Variants in RIT2 observed in about 807,000 individuals in gnomAD.
RIT2 encodes Ras like without CAAX 2, also known as GTP-binding protein Rit2.
Under a neutral mutation model 23.7 loss-of-function variants are expected in RIT2, and 24 were observed. The observed-to-expected ratio is 1.01, with a 90% CI of 0.73 to 1.43. The LOEUF is 1.43. Among genes scored for constraint, RIT2 ranks in the 40% most tolerant of loss-of-function variants. RIT2 has a pLI of 0.00. For synonymous variants in RIT2, 107 were observed against 91.1 expected (o/e 1.17, Z -0.99); for missense variants, 236 against 266.9 (o/e 0.88, Z 0.81).
chr18:43,063,303 C>T (rs1598767603), intron 1 of RIT2, among the ~76,000 whole-genome samples: 1 of 152,242 alleles, frequency 6.6e-6, no homozygotes, highest in African/African-American at 2.4e-5. Context: ...CCGTCAAAAG[C>T]ACAGGGTTCT....
intron 1 of RIT2, among the ~76,000 whole-genome samples, chr18:43,069,004 G>C (rs983065036): frequency 2.0e-5 from 3 of 152,094 alleles, no homozygotes; most frequent in African/African-American, 4.8e-5. Context: ...AGACGTTTCC[G>C]GTTAAGGGAA....
intron 1 of RIT2, among the ~76,000 whole-genome samples, chr18:43,109,663 C>G (rs1913907478): frequency 6.6e-6 from 1 of 152,102 alleles, no homozygotes; most frequent in Non-Finnish European, 1.5e-5. Context: ...ACATCAGAAG[C>G]CTAATATAAA....
intron 2 of RIT2, among the ~76,000 whole-genome samples, chr18:42,981,874 T>C (rs1295983800): frequency 6.6e-6 from 1 of 152,170 alleles, no homozygotes; most frequent in East Asian, 1.9e-4. Flanking sequence ...ACTATATTCA[T>C]AAAGAAATAG....
At chr18:43,074,269 A>G (rs1401821016) in intron 1 of RIT2, among the ~76,000 whole-genome samples, 4 of 152,148 alleles carry the variant, frequency 2.6e-5, no homozygotes, top group African/African-American at 7.2e-5. Context: ...ATCTCTTAAC[A>G]TCTTTGTCTG....
At chr18:42,895,735 T>C (rs908833956) in intron 4 of RIT2, among the ~76,000 whole-genome samples, 4 of 152,188 alleles carry the variant, frequency 2.6e-5, no homozygotes, top group Admixed American at 6.5e-5. Context: ...GACACTTTCC[T>C]CTTGCATAGA....
intron 4 of RIT2, among the ~76,000 whole-genome samples, chr18:42,755,204 C>A (rs1285961988): frequency 1.3e-5 from 2 of 152,040 alleles, no homozygotes; most frequent in East Asian, 3.9e-4. Flanking sequence ...ACATTTTAGT[C>A]CTGTTTATAA....
intron 3 of RIT2, among the ~76,000 whole-genome samples, chr18:42,943,196 C>T (rs1909646063): frequency 6.6e-6 from 1 of 152,050 alleles, no homozygotes; most frequent in Admixed American, 6.6e-5. Flanking sequence ...ATCAGAATGC[C>T]CTTTTTTCAA....
At chr18:42,827,181 T>A (rs1210389718) in intron 4 of RIT2, among the ~76,000 whole-genome samples, 1 of 152,174 alleles carries the variant, frequency 6.6e-6, no homozygotes, top group Non-Finnish European at 1.5e-5. Context: ...ATACAGGGTT[T>A]AGATGCTGAC....
intron 3 of RIT2, among the ~76,000 whole-genome samples, chr18:42,963,403 A>G (rs369444552): frequency 3.9e-5 from 6 of 152,234 alleles, no homozygotes; most frequent in Non-Finnish European, 7.3e-5. Flanking sequence ...GACAATATTT[A>G]GAAGAAAATA....
intron 1 of RIT2, among the ~76,000 whole-genome samples, chr18:43,105,100 C>CTGTGTGTGTGTGTGTGTGTGTGTGTGTG (rs756311809): frequency 1.4e-5 from 2 of 142,980 alleles, no homozygotes; most frequent in African/African-American, 5.2e-5. Flanking sequence ...AGGCAGTGTG[C>CTGTGTGTGTGTGTGTGTGTGTGTGTGTG]TGTGTGTGTG....
intron 3 of RIT2, among the ~76,000 whole-genome samples, chr18:42,965,711 CTTTTTTTTTT>C (rs58344278): frequency 2.1e-4 from 8 of 37,778 alleles, no homozygotes; most frequent in African/African-American, 6.6e-4. Context: ...GTACTGATGG[CTTTTTTTTTT>C]TTTTTTTTTT....
intron 4 of RIT2, among the ~76,000 whole-genome samples, chr18:42,867,678 C>T (rs1018553308): frequency 6.6e-6 from 1 of 151,718 alleles, no homozygotes; most frequent in Non-Finnish European, 1.5e-5. Context: ...CCTGTAGTCC[C>T]AGCTACTCAG....
At chr18:42,994,914 T>G (rs185381445) in intron 2 of RIT2, among the ~76,000 whole-genome samples, 31 of 152,204 alleles carry the variant, frequency 2.0e-4, no homozygotes, top group African/African-American at 7.2e-4. Context: ...TCTCCCACAA[T>G]TACCATTGTT....
intron 4 of RIT2, among the ~76,000 whole-genome samples, chr18:42,747,942 G>T (rs112141114): frequency 1.4e-3 from 211 of 152,108 alleles, no homozygotes; most frequent in African/African-American, 4.9e-3. Flanking sequence ...AATTATAGAA[G>T]ATAACACTGG....
chr18:43,003,834 C>T (rs914025160), intron 2 of RIT2, among the ~76,000 whole-genome samples: 5 of 150,368 alleles, frequency 3.3e-5, no homozygotes, highest in African/African-American at 1.2e-4. Context: ...CCTAGGCCTA[C>T]CCAGGTTCTG....
intron 4 of RIT2, among the ~76,000 whole-genome samples, chr18:42,914,541 TG>T (rs1908852255): frequency 6.6e-6 from 1 of 152,068 alleles, no homozygotes; most frequent in African/African-American, 2.4e-5. Context: ...AAAGGATGCA[TG>T]TTAACTCATT....
intron 4 of RIT2, among the ~76,000 whole-genome samples, chr18:42,866,404 G>T (rs1907470760): frequency 6.6e-6 from 1 of 152,012 alleles, no homozygotes; most frequent in South Asian, 2.1e-4. Context: ...AGATAGTGAA[G>T]AAAGAAAAGA....
Position 42,850,076 on chromosome 18 carries a change from CGTGTGT to C in RIT2, c.426+73490_426+73495del, listed in dbSNP as rs60962443. On this transcript the variant is annotated intron_variant, in intron 4 of 4. Coordinates refer to ENST00000326695, the MANE Select transcript of RIT2 (RefSeq NM_002930.4). Reference sequence around the variant, plus strand: ...TTTTAATTTAAGAAAAAAATACACCCGTGTGTGTGTGTGTGTGTGTGTGTGTGTGTG... The same window carrying C: ...TTTTAATTTAAGAAAAAAATACACCCGTGTGTGTGTGTGTGTGTGTGTGTG... Among the ~76,000 whole-genome samples, 1,353 of 142,730 alleles carry C rather than the reference CGTGTGT, an allele frequency of 9.5e-3. 26 individuals are homozygous for C. The highest frequency in any genetic ancestry group is 0.033 in the African/African-American group (1,282 of 38,958). 93.6% of individuals were successfully genotyped at this position (142,730 alleles called of 152,430 possible). A position where few individuals can be genotyped will look rare whatever the true frequency, so the allele number is the denominator to read the frequency against.
rs549253395 is a variant in RIT2, at chr18:43,068,947, G to A, written c.104-35080C>T. ...GTGAGGGCTAGGAAAAATGAGGCTG[G>A]GACTTGCTGGGCTGCATTCCCAGGA... On this transcript the variant is annotated intron_variant, in intron 1 of 4. Coordinates refer to ENST00000326695, the MANE Select transcript of RIT2 (RefSeq NM_002930.4). Among the ~76,000 whole-genome samples, 16 of 152,106 alleles carry A rather than the reference G, an allele frequency of 1.1e-4. 1 individual carries two copies. In the East Asian group the frequency reaches 2.7e-3, roughly 26 times the overall value.
Sources: allele counts gnomAD v4.1 joint callset (sites outside exome capture counted in the v4.1 genomes callset), GRCh38; gene constraint gnomAD v4.1.1; transcripts MANE v1.5; gene names NCBI Gene and HGNC (gene_info 2026-07-23, HGNC 2026-07-21).